Variants in SLC35F4 observed in about 807,000 individuals in gnomAD.
SLC35F4 encodes the protein solute carrier family 35 member F4, also known as chromosome 14 open reading frame 36.
SLC35F4 carries 24 observed loss-of-function variants against 44.2 expected under a neutral mutation model. The observed-to-expected ratio is 0.54, with a 90% CI of 0.39 to 0.76. The LOEUF (loss-of-function observed/expected upper bound fraction) is 0.76. Among genes scored for constraint, SLC35F4 ranks in the 30% least tolerant of loss-of-function variants. The pLI, the probability that SLC35F4 is intolerant of heterozygous loss-of-function variation, is 0.00. For synonymous variants in SLC35F4, 238 were observed against 223.6 expected (o/e 1.06, Z -0.57); for missense variants, 562 against 586.1 (o/e 0.96, Z 0.42).
chr14:57,810,207 A>C (rs921666281), intron 1 of SLC35F4, among the ~76,000 whole-genome samples: 1 of 152,050 alleles, frequency 6.6e-6, no homozygotes, highest in African/African-American at 2.4e-5. Context: ...CATTGTTAAC[A>C]CCTGTACTAA....
chr14:57,951,571 C>T (rs746545914), intron 1 of SLC35F4, among the ~76,000 whole-genome samples: 4 of 152,170 alleles, frequency 2.6e-5, no homozygotes, highest in Non-Finnish European at 5.9e-5. Flanking sequence ...AGCCTGGAGT[C>T]GACCTGGTAC....
At chr14:57,980,863 A>C (rs908066125) in intron 1 of SLC35F4, among the ~76,000 whole-genome samples, 2 of 152,236 alleles carry the variant, frequency 1.3e-5, no homozygotes, top group African/African-American at 4.8e-5. Context: ...ATATTGGACC[A>C]TCCAGATATA....
At chr14:57,760,370 T>C (rs1387130485) in intron 1 of SLC35F4, among the ~76,000 whole-genome samples, 1 of 152,194 alleles carries the variant, frequency 6.6e-6, no homozygotes, top group Non-Finnish European at 1.5e-5. Context: ...GACTGTCTAT[T>C]TTATTCCATT....
At chr14:57,678,916 C>G (rs1309607530) in intron 1 of SLC35F4, among the ~76,000 whole-genome samples, 1 of 152,014 alleles carries the variant, frequency 6.6e-6, no homozygotes, top group East Asian at 1.9e-4. Context: ...GACTCCCACA[C>G]AGTAATAGTG....
At chr14:57,910,510 T>C (rs190707139) in intron 1 of SLC35F4, among the ~76,000 whole-genome samples, 115 of 152,130 alleles carry the variant, frequency 7.6e-4, no homozygotes, top group African/African-American at 2.6e-3. Context: ...AGTCAATTTT[T>C]TGTGAATGGA....
intron 4 of SLC35F4, among the ~76,000 whole-genome samples, chr14:57,575,109 C>T (rs1018126705): frequency 8.5e-5 from 13 of 152,206 alleles, no homozygotes; most frequent in East Asian, 1.9e-4. Context: ...GCCACCTGCT[C>T]GGCTTCTGAA....
At chr14:57,587,870 C>CAAAAAAAA (rs60521934) in intron 3 of SLC35F4, among the ~76,000 whole-genome samples, 3 of 125,008 alleles carry the variant, frequency 2.4e-5, no homozygotes, top group Non-Finnish European at 3.3e-5. Context: ...ATGCACCTTC[C>CAAAAAAAA]AAAAAAAAAA....
intron 1 of SLC35F4, among the ~76,000 whole-genome samples, chr14:57,634,517 G>T (rs1017250478): frequency 6.6e-6 from 1 of 152,088 alleles, no homozygotes; most frequent in African/African-American, 2.4e-5. Context: ...GGTGGAGTAT[G>T]GCAGGTGGCA....
chr14:57,945,980 T>C (rs933792231), intron 1 of SLC35F4, among the ~76,000 whole-genome samples: 2 of 152,208 alleles, frequency 1.3e-5, no homozygotes, highest in African/African-American at 4.8e-5. Context: ...ATTTGTTTTC[T>C]TTCTCGATGA....
intron 1 of SLC35F4, among the ~76,000 whole-genome samples, chr14:57,686,359 G>T (rs185730597): frequency 6.6e-5 from 10 of 152,232 alleles, no homozygotes; most frequent in African/African-American, 2.4e-4. Context: ...CTCTTTAAAG[G>T]ATGCTATTTC....
chr14:57,712,329 C>T (rs1454240650), intron 1 of SLC35F4, among the ~76,000 whole-genome samples: 1 of 152,194 alleles, frequency 6.6e-6, no homozygotes, highest in Non-Finnish European at 1.5e-5. Flanking sequence ...CAGCTTTATC[C>T]TGAAGGTCGT....
intron 1 of SLC35F4, among the ~76,000 whole-genome samples, chr14:57,718,598 G>GA: frequency 6.6e-6 from 1 of 152,304 alleles, no homozygotes. Context: ...GATCAATAAT[G>GA]TTGAGCACTT....
At chr14:57,841,263 G>C (rs528318858) in intron 1 of SLC35F4, among the ~76,000 whole-genome samples, 1 of 152,174 alleles carries the variant, frequency 6.6e-6, no homozygotes, top group Non-Finnish European at 1.5e-5. Context: ...GGGTGAGCAG[G>C]TTGTGATCCA....
In SLC35F4 at chr14:57,729,893, C is replaced by T. The variant is rs533354697; in HGVS notation, c.104-135769G>A. Among the ~76,000 whole-genome samples the T allele has an allele frequency of 4.9e-4, 75 of 152,322 alleles. No individual in the cohort carries two copies. The East Asian group carries it at 5.2e-3, about 11-fold the overall frequency. ...GAAACTCAAGTCCCAGCTACTGAAA[C>T]GGGTGATTCTCCTCTCACTAGAGCT... is the stretch of plus-strand genomic sequence containing the variant. On this transcript the variant is annotated intron_variant, in intron 1 of 7. Coordinates refer to ENST00000556826, the MANE Select transcript of SLC35F4 (RefSeq NM_001306087.2).
intron 1 of SLC35F4, among the ~76,000 whole-genome samples, chr14:57,623,508 T>C (rs1341112347): frequency 1.3e-5 from 2 of 152,200 alleles, no homozygotes; most frequent in African/African-American, 4.8e-5. Context: ...AGAATATACA[T>C]TCTTCTCAGC....
At chr14:57,796,201 G>T (rs2078050473) in intron 1 of SLC35F4, among the ~76,000 whole-genome samples, 1 of 151,994 alleles carries the variant, frequency 6.6e-6, no homozygotes, top group South Asian at 2.1e-4. Flanking sequence ...ACCATTAATG[G>T]GCATCTAGGT....
chr14:57,657,665 G>A (rs77241729), intron 1 of SLC35F4, among the ~76,000 whole-genome samples: 3,949 of 152,142 alleles, frequency 0.026, 163 homozygotes, highest in African/African-American at 0.089. Flanking sequence ...GAGGCAGATG[G>A]TTATTCTCTA....
chr14:57,591,572 C>T (rs1443362940), intron 2 of SLC35F4, among the ~76,000 whole-genome samples: 2 of 152,134 alleles, frequency 1.3e-5, no homozygotes, highest in East Asian at 3.8e-4. Flanking sequence ...GATGAAAAAG[C>T]TGAGAATTGT....
At position 57,678,154 on chromosome 14, in the gene SLC35F4, A is replaced by G. The variant is rs145215761; in HGVS notation, c.104-84030T>C. Among the ~76,000 whole-genome samples the G allele has an allele frequency of 3.8e-3, 576 of 152,272 alleles. 3 individuals are homozygous for G. The highest frequency in any genetic ancestry group is 6.7e-3 in the Non-Finnish European group (458 of 68,034). On this transcript the variant is annotated intron_variant, in intron 1 of 7. Transcript: ENST00000556826. ...TTGGGGTACCCACAAAGGGAAGCCT[A>G]TCAGACAAACAGCAGATTTATCTGC...
Sources: gnomAD v4.1 joint callset for allele counts (sites outside exome capture counted in the v4.1 genomes callset) on GRCh38, gnomAD v4.1.1 for gene constraint, MANE v1.5 for transcripts, NCBI Gene and HGNC (gene_info 2026-07-23, HGNC 2026-07-21) for gene names.